Variants in PTPRR observed in about 807,000 individuals in gnomAD.
PTPRR encodes the protein receptor-type tyrosine-protein phosphatase R.
A neutral mutation model predicts 77.2 loss-of-function variants in PTPRR; 38 were observed. That is an observed-to-expected ratio of 0.49 (90% CI 0.38 to 0.65). The LOEUF is 0.65. PTPRR is among the 30% of genes least tolerant of loss of function. The pLI is 0.00. For synonymous variants in PTPRR, 299 were observed against 283.1 expected, an observed-to-expected ratio of 1.06 and a Z score of -0.57; for missense variants, 744 against 799.2, an observed-to-expected ratio of 0.93 and a Z score of 0.83.
chr12:70,863,540 G>A (rs1187948666), intron 2 of PTPRR, among the ~76,000 whole-genome samples: 3 of 152,072 alleles, frequency 2.0e-5, no homozygotes, highest in Non-Finnish European at 4.4e-5. Context: ...ACCATTCTAG[G>A]AAGCATATTA....
chr12:70,740,708 G>A (rs183350436), intron 6 of PTPRR, among the ~76,000 whole-genome samples: 323 of 152,150 alleles, frequency 2.1e-3, no homozygotes, highest in Non-Finnish European at 3.0e-3. Context: ...CCCAATCAGG[G>A]ATGAGAAATT....
chr12:70,761,585 G>A lies in PTPRR; in HGVS notation c.513C>T (p.Asn171=). The A allele has an allele frequency of 1.9e-6, 3 of 1,611,270 alleles. No individual in the cohort carries two copies. The highest frequency in any genetic ancestry group is 2.5e-6 in the Non-Finnish European group (3 of 1,178,404). The change falls in exon 4 of 14, where the codon AAC becomes AAT. Residue 171 remains asparagine, a synonymous_variant. Transcript: ENST00000283228. ...GAGCATCAGAAATTCCTGTTTTTCGGTTTATGGGAGACACAAACAGTTCAA... is the reference window on the plus strand; with the variant it reads ...GAGCATCAGAAATTCCTGTTTTTCGATTTATGGGAGACACAAACAGTTCAA... The part of the protein sequence containing the change: ...NSIELFVSPI[N]RKTGISDALP...
intron 5 of PTPRR, among the ~76,000 whole-genome samples, chr12:70,751,946 C>T (rs1226834283): frequency 1.3e-5 from 2 of 152,116 alleles, no homozygotes; most frequent in Non-Finnish European, 2.9e-5. Flanking sequence ...TTCATCATTA[C>T]AGAAAATAGA....
chr12:70,822,355 T>C (rs1892030559), intron 2 of PTPRR, among the ~76,000 whole-genome samples: 1 of 152,212 alleles, frequency 6.6e-6, no homozygotes, highest in South Asian at 2.1e-4. Context: ...TTTTTCTGCA[T>C]TTGTAGAAAC....
intron 3 of PTPRR, among the ~76,000 whole-genome samples, chr12:70,762,625 A>T (rs1481470468): frequency 6.6e-6 from 1 of 152,252 alleles, no homozygotes; most frequent in East Asian, 1.9e-4. Flanking sequence ...GGTACAGAGC[A>T]CTTGTGTTGT....
At chr12:70,904,651 A>G (rs1893593441) in intron 1 of PTPRR, among the ~76,000 whole-genome samples, 1 of 151,912 alleles carries the variant, frequency 6.6e-6, no homozygotes, top group Admixed American at 6.6e-5. Context: ...AATTCATAGA[A>G]CTATACACCA....
Position 70,698,348 on chromosome 12 carries a change from T to C in PTPRR, c.1196A>G (p.Glu399Gly). ...GGGATCCACAAAGTTCATTGGTATT[T>C]CCTGCAAAAATAAATAATATCAAAT... ...SSHLLQSEFM[E>G]IPMNFVDPKE... Residue 399 changes from glutamate (E) to glycine (G), a missense_variant and splice_region_variant, in exon 8 of 14, where the codon GAA becomes GGA. By Grantham distance (98) the Glu-to-Gly change is moderately conservative. Around this residue, in one of 3 missense-constraint regions of PTPRR, gnomAD observed 570 missense variants for 573.2 expected, o/e 0.99. Coordinates refer to ENST00000283228, the MANE Select transcript of PTPRR (RefSeq NM_002849.4). 2 of 1,611,898 alleles carry C rather than the reference T, an allele frequency of 1.2e-6. No individual in the cohort carries two copies. The highest frequency in any genetic ancestry group is 1.7e-6 in the Non-Finnish European group (2 of 1,178,456).
intron 10 of PTPRR, among the ~76,000 whole-genome samples, chr12:70,666,861 G>A (rs1887014428): frequency 7.1e-6 from 1 of 140,922 alleles, no homozygotes; most frequent in Admixed American, 7.2e-5. Flanking sequence ...ATGAACAAAT[G>A]TACATGTTTT....
intron 2 of PTPRR, among the ~76,000 whole-genome samples, chr12:70,844,780 A>C (rs1892455949): frequency 6.6e-6 from 1 of 152,032 alleles, no homozygotes; most frequent in Admixed American, 6.5e-5. Context: ...CAATTTACAG[A>C]AAGTAAAAAA....
In PTPRR at chr12:70,666,352, A is replaced by G. The variant is rs549790834; in HGVS notation, c.1498-3747T>C. 5.9e-5 allele frequency among the ~76,000 whole-genome samples: 9 copies of G among 152,306 alleles called. No individual in the cohort carries two copies. In the South Asian group the frequency reaches 1.5e-3, roughly 25 times the overall value. The stretch of plus-strand genomic sequence containing the variant: ...TATGTTGAGGCACATGCAACCTTGC[A>G]TAGTCTTGGTTCACTCTCCTACTGA... On this transcript the variant is annotated intron_variant, in intron 10 of 13. Transcript: ENST00000283228.
intron 2 of PTPRR, among the ~76,000 whole-genome samples, chr12:70,835,226 T>C (rs529209306): frequency 2.0e-5 from 3 of 152,288 alleles, no homozygotes; most frequent in South Asian, 2.1e-4. Flanking sequence ...AGAGACTATA[T>C]GCATAAATGC....
intron 4 of PTPRR, among the ~76,000 whole-genome samples, chr12:70,760,884 T>A (rs1480003136): frequency 6.6e-6 from 1 of 151,902 alleles, no homozygotes; most frequent in Non-Finnish European, 1.5e-5. Context: ...CATTCAGGAG[T>A]GAGATGGTGG....
At chr12:70,871,604 A>T (rs1282337499) in intron 2 of PTPRR, among the ~76,000 whole-genome samples, 2 of 152,222 alleles carry the variant, frequency 1.3e-5, no homozygotes, top group African/African-American at 4.8e-5. Context: ...CTTTGTTGGC[A>T]ATATTTAGAA....
At chr12:70,822,542 T>C (rs971817222) in intron 2 of PTPRR, among the ~76,000 whole-genome samples, 2 of 152,140 alleles carry the variant, frequency 1.3e-5, no homozygotes, top group Non-Finnish European at 2.9e-5. Context: ...ATCAGACACA[T>C]GGTGGGGAAG....
chr12:70,687,291 C>T (rs949009965), intron 8 of PTPRR, among the ~76,000 whole-genome samples: 2 of 13,396 alleles, frequency 1.5e-4, no homozygotes, highest in Non-Finnish European at 9.8e-4. Context: ...TAATTTGTCA[C>T]TAGGATATTT....
At chr12:70,798,759 C>A (rs11830943) in intron 2 of PTPRR, among the ~76,000 whole-genome samples, 1 of 143,124 alleles carries the variant, frequency 7.0e-6, no homozygotes. Flanking sequence ...CCCCCACCCT[C>A]ATCACATTCT....
intron 6 of PTPRR, among the ~76,000 whole-genome samples, chr12:70,715,479 G>A (rs1888989836): frequency 6.6e-6 from 1 of 152,120 alleles, no homozygotes; most frequent in Non-Finnish European, 1.5e-5. Flanking sequence ...AAATTTATTA[G>A]GTGGGAATTT....
intron 6 of PTPRR, among the ~76,000 whole-genome samples, chr12:70,738,914 T>C (rs1447897827): frequency 6.6e-6 from 1 of 152,212 alleles, no homozygotes; most frequent in East Asian, 1.9e-4. Context: ...TATGTGGTAG[T>C]TACAGAGCAA....
At chr12:70,697,344 TG>T (rs1287266325) in intron 8 of PTPRR, among the ~76,000 whole-genome samples, 3 of 152,194 alleles carry the variant, frequency 2.0e-5, no homozygotes, top group Non-Finnish European at 2.9e-5. Context: ...TTAATATGCT[TG>T]TTGGTCATTT....
Sources: allele counts gnomAD v4.1 joint callset (sites outside exome capture counted in the v4.1 genomes callset), GRCh38; gene constraint gnomAD v4.1.1; regional missense constraint gnomAD v4.1.1; transcripts MANE v1.5; gene names NCBI Gene and HGNC (gene_info 2026-07-23, HGNC 2026-07-21).